SLC4A5: variants seen among roughly 807,000 people sequenced by gnomAD.
SLC4A5 encodes the protein electrogenic sodium bicarbonate cotransporter 4.
In SLC4A5, 96 loss-of-function variants were observed where a neutral mutation model predicts 120.4. The ratio of observed to expected loss-of-function variants is 0.80; its 90% CI spans 0.68 to 0.94. The LOEUF is 0.94. Among genes scored for constraint, SLC4A5 ranks in the 40% least tolerant of loss-of-function variants. SLC4A5 has a pLI of 0.00. For missense variants in SLC4A5, 1,259 were observed against 1,459.5 expected (o/e 0.86, Z 2.24); for synonymous variants, 550 against 571.1 (o/e 0.96, Z 0.53).
At chr2:74,341,131 C>A (rs567013205) in intron 2 of SLC4A5, among the ~76,000 whole-genome samples, 1 of 151,846 alleles carries the variant, frequency 6.6e-6, no homozygotes, top group Non-Finnish European at 1.5e-5. Flanking sequence ...ATGGTGAAAC[C>A]CCATCTCTAC....
intron 8 of SLC4A5, among the ~76,000 whole-genome samples, chr2:74,273,609 C>T (rs1671543394): frequency 6.6e-6 from 1 of 152,212 alleles, no homozygotes; most frequent in Non-Finnish European, 1.5e-5. Context: ...GCCTGTAATA[C>T]ATTTTGTAAC....
intron 7 of SLC4A5, chr2:74,290,569 C>G: frequency 1.0e-6 from 1 of 982,766 alleles, no homozygotes; most frequent in African/African-American, 1.8e-5. Context: ...AAAAGCTACA[C>G]TGAGTTAATT....
At chr2:74,242,353 G>C (rs974477048) in intron 19 of SLC4A5, among the ~76,000 whole-genome samples, 1 of 152,244 alleles carries the variant, frequency 6.6e-6, no homozygotes, top group African/African-American at 2.4e-5. Flanking sequence ...AGACAAACTG[G>C]AGGATAACGT....
intron 16 of SLC4A5, among the ~76,000 whole-genome samples, chr2:74,251,059 C>T (rs540804427): frequency 2.6e-5 from 4 of 152,238 alleles, no homozygotes; most frequent in Admixed American, 6.5e-5. Flanking sequence ...TCCCATAGCC[C>T]CTAATGCAGT....
intron 8 of SLC4A5, among the ~76,000 whole-genome samples, chr2:74,274,650 T>A (rs1031680469): frequency 2.0e-5 from 3 of 152,220 alleles, no homozygotes; most frequent in Admixed American, 2.0e-4. Flanking sequence ...AAATTTTATC[T>A]TTTTAGTGTC....
At chr2:74,308,093 G>T (rs1028033017) in intron 6 of SLC4A5, 2 of 450,704 alleles carry the variant, frequency 4.4e-6, no homozygotes, top group African/African-American at 2.0e-5. Flanking sequence ...ATATTCCACC[G>T]ATCAATGTAC....
intron 9 of SLC4A5, 69 bp downstream of exon 9, chr2:74,265,035 T>G (rs1671259258): frequency 1.3e-6 from 2 of 1,518,646 alleles, no homozygotes; most frequent in Admixed American, 3.8e-5. Flanking sequence ...AGGGCAGGCA[T>G]GAGGTCAGGG....
At chr2:74,297,451 C>T (rs549756558) in intron 7 of SLC4A5, among the ~76,000 whole-genome samples, 2 of 152,320 alleles carry the variant, frequency 1.3e-5, no homozygotes, top group Admixed American at 1.3e-4. Flanking sequence ...GGCCACCCTG[C>T]AACAATCTTT....
intron 4 of SLC4A5, among the ~76,000 whole-genome samples, chr2:74,329,038 G>T (rs1466649324): frequency 6.6e-6 from 1 of 152,108 alleles, no homozygotes; most frequent in African/African-American, 2.4e-5. Flanking sequence ...TAGGCTCCTA[G>T]TTCACACCTG....
At chr2:74,331,703 C>G (rs1673370819) in intron 4 of SLC4A5, among the ~76,000 whole-genome samples, 2 of 152,034 alleles carry the variant, frequency 1.3e-5, no homozygotes, top group South Asian at 4.2e-4. Context: ...ATCTACCTCT[C>G]TCCCTCCAAG....
At chr2:74,220,408 C>A (rs1305671844) in intron 30 of SLC4A5, among the ~76,000 whole-genome samples, 1 of 152,152 alleles carries the variant, frequency 6.6e-6, no homozygotes, top group African/African-American at 2.4e-5. Flanking sequence ...GCTAATTAAC[C>A]CTGCTGTTAA....
intron 25 of SLC4A5, 98 bp from the exon 26 acceptor site, chr2:74,227,976 G>C (rs1694910818): frequency 3.7e-6 from 3 of 818,538 alleles, no homozygotes; most frequent in Non-Finnish European, 5.6e-6. Context: ...GAGGCAGCTA[G>C]GAAACTGGAT....
chr2:74,314,827 T>C (rs1672913025), intron 6 of SLC4A5, 118 bp downstream of exon 6: 2 of 874,848 alleles, frequency 2.3e-6, no homozygotes, highest in Non-Finnish European at 1.9e-6. Context: ...ACACTGTGGA[T>C]GAGTCAGGAA....
chr2:74,260,186 A>G (rs1342887930), intron 11 of SLC4A5, among the ~76,000 whole-genome samples: 2 of 152,158 alleles, frequency 1.3e-5, no homozygotes, highest in Non-Finnish European at 2.9e-5. Flanking sequence ...TTCCTCTGTT[A>G]AGAGAGAGAA....
At chr2:74,326,329 C>T (rs2104328465) in intron 5 of SLC4A5, among the ~76,000 whole-genome samples, 1 of 152,274 alleles carries the variant, frequency 6.6e-6, no homozygotes, top group African/African-American at 2.4e-5. Context: ...AGTCTCTTCC[C>T]TGCCCAACTA....
In SLC4A5 at chr2:74,289,475, C is replaced by G. The variant is rs916421200; in HGVS notation, c.272-3573G>C. 5.3e-5 allele frequency among the ~76,000 whole-genome samples: 8 copies of G among 152,192 alleles called. No homozygotes were observed. The East Asian group carries it at 1.4e-3, about 26-fold the overall frequency. The stretch of plus-strand genomic sequence containing the variant: ...GGGAGTACTAGCTCATGTCACCATG[C>G]CTGGCTAATTTTTGTATTTTCTGTA... On this transcript the variant is annotated intron_variant, in intron 7 of 30. Coordinates refer to ENST00000394019, the Ensembl canonical transcript of SLC4A5.
At chr2:74,302,450 C>T (rs1013520164) in intron 7 of SLC4A5, among the ~76,000 whole-genome samples, 5 of 152,092 alleles carry the variant, frequency 3.3e-5, no homozygotes, top group Non-Finnish European at 7.4e-5. Context: ...AACCCTGTTT[C>T]TACTAAAAAT....
chr2:74,299,253 A>G (rs1464524278), intron 7 of SLC4A5, among the ~76,000 whole-genome samples: 2 of 152,206 alleles, frequency 1.3e-5, no homozygotes, highest in Non-Finnish European at 2.9e-5. Flanking sequence ...CGGGAGGCTG[A>G]GACAGGAGAA....
intron 25 of SLC4A5, among the ~76,000 whole-genome samples, chr2:74,229,259 T>TGGG (rs34872093): frequency 6.9e-6 from 1 of 145,470 alleles, no homozygotes; most frequent in South Asian, 2.2e-4. Context: ...TTTTTTTTTT[T>TGGG]GGGGGGGGCA....
Sources: allele counts gnomAD v4.1 joint callset (sites outside exome capture counted in the v4.1 genomes callset), GRCh38; gene constraint gnomAD v4.1.1; transcripts MANE v1.5; gene names NCBI Gene and HGNC (gene_info 2026-07-23, HGNC 2026-07-21).